Variants in STC2 observed in about 807,000 individuals in gnomAD.
STC2 encodes the protein stanniocalcin 2.
In STC2, 7 loss-of-function variants were observed where a neutral mutation model predicts 22.7. The ratio of observed to expected loss-of-function variants is 0.31; its 90% confidence interval spans 0.18 to 0.58. The LOEUF (loss-of-function observed/expected upper bound fraction) is 0.58. Among genes scored for constraint, STC2 ranks in the 20% least tolerant of loss-of-function variants. The pLI, the probability that STC2 is intolerant of heterozygous loss-of-function variation, is 0.89. For synonymous variants in STC2, 158 were observed against 163.4 expected (o/e 0.97, Z 0.25); for missense variants, 336 against 406.2 (o/e 0.83, Z 1.48).
chr5:173,318,804 C>T (rs1762455451), intron 3 of STC2, among the ~76,000 whole-genome samples: 3 of 152,122 alleles, frequency 2.0e-5, no homozygotes, highest in Admixed American at 2.0e-4. Flanking sequence ...TGTGTTTGCC[C>T]CGGGTTTAGG....
rs1275791981 is a variant in STC2, at chr5:173,325,185, C to T, written c.294+683G>A. ...GAACACGAAGAAGGTGAGTCTGATG[C>T]CACATGCCATCTAAAAATGTATTTG... is the stretch of plus-strand genomic sequence containing the variant. On this transcript the variant is annotated intron_variant, in intron 2 of 3. Transcript: ENST00000265087. This position sits in a 1 kb window ranked among gnomAD's most constrained non-coding sequence, Gnocchi z 4.7. Among the ~76,000 whole-genome samples, 1 of 152,228 alleles carries T rather than the reference C, an allele frequency of 6.6e-6. No individual in the cohort carries two copies. Among genetic ancestry groups the T allele is most frequent in the African/African-American group, 2.4e-5 (1 of 41,454 alleles).
intron 3 of STC2, among the ~76,000 whole-genome samples, chr5:173,320,368 G>A (rs1762469270): frequency 6.6e-6 from 1 of 152,228 alleles, no homozygotes. Context: ...AGGAAGCTGT[G>A]AACTGCGGGG....
chr5:173,327,335 G>C (rs763235967), intron 1 of STC2, among the ~76,000 whole-genome samples: 16 of 152,278 alleles, frequency 1.1e-4, no homozygotes, highest in Non-Finnish European at 2.2e-4. Flanking sequence ...CCAGCCCCGT[G>C]CCCTGCACGC....
In STC2 at chr5:173,317,954, G is replaced by T; in HGVS notation, c.802C>A (p.Pro268Thr). Residue 268 changes from proline to threonine, a missense_variant, in exon 4 of 4, where the codon CCA becomes ACA. Transcript: ENST00000265087. The stretch of plus-strand genomic sequence containing the variant: ...ACTCTGCCTCGGGCATGGGCGTTTG[G>T]GTGGCTCTTGCTACCTCGCTCACCC... ...AKGERGSKSH[P>T]NAHARGRVGG... 1 of 1,613,432 alleles carries T rather than the reference G, an allele frequency of 6.2e-7. No individual in the cohort carries two copies. The highest frequency in any genetic ancestry group is 8.5e-7 in the Non-Finnish European group (1 of 1,179,984).
At chr5:173,320,913 C>T (rs1762476973) in intron 3 of STC2, among the ~76,000 whole-genome samples, 1 of 151,234 alleles carries the variant, frequency 6.6e-6, no homozygotes, top group Non-Finnish European at 1.5e-5. Flanking sequence ...AAAAAAAAAC[C>T]TAAAAAACAG....
chr5:173,323,280 C>T lies in STC2; in HGVS notation c.445G>A (p.Ala149Thr). Residue 149 changes from alanine to threonine, a missense_variant, in exon 3 of 4, where the codon GCC (alanine) becomes ACC (threonine). Transcript: ENST00000265087. The surrounding 1 kb of genome is among the most constrained non-coding windows in gnomAD (Gnocchi z 5.4). ...CYLKHDLCAAAQENTRVIVEM... is the reference protein window; with the variant it reads ...CYLKHDLCAATQENTRVIVEM... ...ACTATCACCCGGGTGTTCTCCTGGGCAGCCGCGCACAGGTCGTGCTTGAGG... is the reference window on the plus strand; with the variant it reads ...ACTATCACCCGGGTGTTCTCCTGGGTAGCCGCGCACAGGTCGTGCTTGAGG... 6.2e-7 allele frequency: 1 copy of T among 1,614,186 alleles called. No homozygotes were observed. The highest frequency in any genetic ancestry group is 8.5e-7 in the Non-Finnish European group (1 of 1,180,028).
chr5:173,325,026 C>T lies in STC2; in HGVS notation c.294+842G>A, dbSNP rs1469785286. On this transcript the variant is annotated intron_variant, in intron 2 of 3. Coordinates refer to ENST00000265087, the MANE Select transcript of STC2 (RefSeq NM_003714.3). The surrounding 1 kb of genome is among the most constrained non-coding windows in gnomAD (Gnocchi z 4.7). ...ACTACTATATGTCAGTGGATGGGGA[C>T]TGGTGACATCCATAAATCTCACCTA... 6.6e-6 allele frequency among the ~76,000 whole-genome samples: 1 copy of T among 152,226 alleles called. No individual in the cohort carries two copies. The highest frequency in any genetic ancestry group is 1.5e-5 in the Non-Finnish European group (1 of 68,040).
chr5:173,323,583 A>G lies in STC2; in HGVS notation c.295-153T>C, dbSNP rs935958384. Among the ~76,000 whole-genome samples the G allele has an allele frequency of 6.6e-6, 1 of 152,176 alleles. No homozygotes were observed. The highest frequency in any genetic ancestry group is 2.4e-5 in the African/African-American group (1 of 41,446). On this transcript the variant is annotated intron_variant, in intron 2 of 3. Transcript: ENST00000265087. The surrounding 1 kb of genome is among the most constrained non-coding windows in gnomAD (Gnocchi z 5.4). ...CCAGAGACGGACGTCCTCCCAGGTG[A>G]CAGGCAATGCGACATCCGGAGGCAC...
intron 3 of STC2, among the ~76,000 whole-genome samples, chr5:173,321,809 A>G (rs1385276177): frequency 6.6e-6 from 1 of 150,848 alleles, no homozygotes; most frequent in African/African-American, 2.4e-5. Flanking sequence ...ATTAGAAAAA[A>G]AATTAAAAAA....
chr5:173,318,082 C>G lies in STC2; in HGVS notation c.674G>C (p.Arg225Pro). 1 of 1,606,830 alleles carries G rather than the reference C, an allele frequency of 6.2e-7. No homozygotes were observed. The highest frequency in any genetic ancestry group is 1.1e-5 in the South Asian group (1 of 90,794). ...IQKPPTAPPERQPQVDRTKLS... is the reference protein window; with the variant it reads ...IQKPPTAPPEPQPQVDRTKLS... ...CTTGGTTCTGTCCACCTGGGGCTGG[C>G]GCTCGGGGGGCGCCGTGGGAGGCTT... The change falls in exon 4 of 4, where the codon CGC becomes CCC. Residue 225 changes from arginine to proline, a missense_variant. Arg to Pro is a moderately radical substitution (Grantham distance 103). Around this residue, in one of 3 missense-constraint regions of STC2, gnomAD observed 215 missense variants for 231.5 expected, o/e 0.93. Transcript: ENST00000265087.
intron 3 of STC2, among the ~76,000 whole-genome samples, chr5:173,322,675 T>A (rs1762501645): frequency 1.3e-5 from 2 of 152,208 alleles, no homozygotes; most frequent in South Asian, 2.1e-4. Flanking sequence ...CTCAGCAGAC[T>A]GGAGCCAGGT....
Position 173,318,215 on chromosome 5 carries a change from A to G in STC2, c.541T>C (p.Cys181Arg). Residue 181 changes from cysteine to arginine, a missense_variant, in exon 4 of 4, where the codon TGT (cysteine) becomes CGT (arginine). Cys to Arg is a radical substitution (Grantham distance 180). This residue lies in a region of STC2 where 215 missense variants were observed against 231.5 expected (regional missense o/e 0.93). Transcript: ENST00000265087. ...YVDLVNLLLT[C>R]GEEVKEAITH... ...ATGGCCTCCTTCACCTCCTCCCCAC[A>G]GGTCAGCAGCAAGTTCACGAGGTCC... is the stretch of plus-strand genomic sequence containing the variant. 1 of 1,515,932 alleles carries G rather than the reference A, an allele frequency of 6.6e-7. No homozygotes were observed. Among genetic ancestry groups the G allele is most frequent in the Non-Finnish European group, 8.8e-7 (1 of 1,130,342 alleles). 93.9% of individuals were successfully genotyped at this position (1,515,932 alleles called of 1,614,324 possible). A position where few individuals can be genotyped will look rare whatever the true frequency, so the allele number is the denominator to read the frequency against.
chr5:173,320,343 C>T (rs1762469079), intron 3 of STC2, among the ~76,000 whole-genome samples: 1 of 152,178 alleles, frequency 6.6e-6, no homozygotes, highest in South Asian at 2.1e-4. Flanking sequence ...GCCCTTGGCC[C>T]TCTCTCTCTC....
rs1442519729 is a variant in STC2, at chr5:173,314,842, G to C, written c.*3005C>G. The C allele has an allele frequency of 6.6e-6, 1 of 152,208 alleles. No individual in the cohort carries two copies. Among genetic ancestry groups the C allele is most frequent in the East Asian group, 1.9e-4 (1 of 5,192 alleles). The allele number at this position is 152,208 out of a possible 1,614,324, so 9.4% of individuals were successfully genotyped here. A position where few individuals can be genotyped will look rare whatever the true frequency, so the allele number is the denominator to read the frequency against. On this transcript the variant is annotated 3_prime_UTR_variant, in exon 4 of 4. Coordinates refer to ENST00000265087, the MANE Select transcript of STC2 (RefSeq NM_003714.3). The surrounding 1 kb of genome is among the most constrained non-coding windows in gnomAD (Gnocchi z 4.6). ...TATTATCACTTAGCAAGCTCACGTGGTGCCAATTCTGAGATCAGACGGGGT... is the reference window on the plus strand; with the variant it reads ...TATTATCACTTAGCAAGCTCACGTGCTGCCAATTCTGAGATCAGACGGGGT...
chr5:173,317,690 C>G lies in STC2; in HGVS notation c.*157G>C. The G allele has an allele frequency of 1.9e-6, 2 of 1,038,232 alleles. No homozygotes were observed. Among genetic ancestry groups the G allele is most frequent in the Non-Finnish European group, 2.7e-6 (2 of 747,478 alleles). The allele number at this position is 1,038,232 out of a possible 1,614,324, so 64.3% of individuals were successfully genotyped here. A position where few individuals can be genotyped will look rare whatever the true frequency, so the allele number is the denominator to read the frequency against. ...CACGGCCCCAGGGGTCTCCATCTCA[C>G]CTGTCCGTTCCGCGAACACACACCT... is the stretch of plus-strand genomic sequence containing the variant. On this transcript the variant is annotated 3_prime_UTR_variant, in exon 4 of 4. Coordinates refer to ENST00000265087, the MANE Select transcript of STC2 (RefSeq NM_003714.3).
intron 2 of STC2, among the ~76,000 whole-genome samples, chr5:173,324,758 C>T (rs1289351051): frequency 5.3e-5 from 8 of 152,262 alleles, no homozygotes; most frequent in Non-Finnish European, 5.9e-5. Context: ...GTATTCTTCC[C>T]TGACATCCTG....
In STC2 at chr5:173,316,763, TTCCAGCTGGGTC is replaced by T. The variant is rs1418405498; in HGVS notation, c.*1072_*1083del. The T allele has an allele frequency of 6.6e-6, 1 of 152,170 alleles. No individual in the cohort carries two copies. Among genetic ancestry groups the T allele is most frequent in the Non-Finnish European group, 1.5e-5 (1 of 68,036 alleles). 9.4% of individuals were successfully genotyped at this position (152,170 alleles called of 1,614,324 possible). On this transcript the variant is annotated 3_prime_UTR_variant, in exon 4 of 4. Coordinates refer to ENST00000265087, the MANE Select transcript of STC2 (RefSeq NM_003714.3). ...ATCCCCTCACATGGAGAAGCCAGGT[TTCCAGCTGGGTC>T]TCCTGGAATCGCCAGGACGCAGCTT...
At position 173,325,039 on chromosome 5, in the gene STC2, T is replaced by C. The variant is rs1040506919; in HGVS notation, c.294+829A>G. ...AGTGGATGGGGACTGGTGACATCCATAAATCTCACCTAAGCTGATGGCCAC... is the reference window on the plus strand; with the variant it reads ...AGTGGATGGGGACTGGTGACATCCACAAATCTCACCTAAGCTGATGGCCAC... On this transcript the variant is annotated intron_variant, in intron 2 of 3. Coordinates refer to ENST00000265087, the MANE Select transcript of STC2 (RefSeq NM_003714.3). The surrounding 1 kb of genome is among the most constrained non-coding windows in gnomAD (Gnocchi z 4.7). Among the ~76,000 whole-genome samples the C allele has an allele frequency of 6.6e-6, 1 of 152,190 alleles. No individual in the cohort carries two copies. The highest frequency in any genetic ancestry group is 2.4e-5 in the African/African-American group (1 of 41,460).
In STC2 at chr5:173,325,353, G is replaced by T. The variant is rs1762534057; in HGVS notation, c.294+515C>A. Among the ~76,000 whole-genome samples the T allele has an allele frequency of 6.6e-6, 1 of 152,114 alleles. No homozygotes were observed. Among genetic ancestry groups the T allele is most frequent in the African/African-American group, 2.4e-5 (1 of 41,444 alleles). Reference sequence around the variant, plus strand: ...TTATCATATAGAGCAAAAGGAAAGTGTGGAACTGAAGGACTCAATCAGGGT... The same window carrying T: ...TTATCATATAGAGCAAAAGGAAAGTTTGGAACTGAAGGACTCAATCAGGGT... On this transcript the variant is annotated intron_variant, in intron 2 of 3. Coordinates refer to ENST00000265087, the MANE Select transcript of STC2 (RefSeq NM_003714.3). The surrounding 1 kb of genome is among the most constrained non-coding windows in gnomAD (Gnocchi z 4.7).
Sources: gnomAD v4.1 joint callset for allele counts (sites outside exome capture counted in the v4.1 genomes callset) on GRCh38, gnomAD v4.1.1 for gene constraint, gnomAD v4.1.1 regional missense constraint, Gnocchi (gnomAD v3.1) non-coding constraint, MANE v1.5 for transcripts, NCBI Gene and HGNC (gene_info 2026-07-23, HGNC 2026-07-21) for gene names.